The following AKAP9 variants were observed in gnomAD, a reference collection of about 807,000 sequenced individuals.
AKAP9 encodes A-kinase anchoring protein 9.
AKAP9 carries 311 observed loss-of-function variants against 488.5 expected under a neutral mutation model. That is an observed-to-expected ratio of 0.64 (90% confidence interval 0.58 to 0.70). AKAP9 has a LOEUF of 0.70. Ranked by LOEUF, AKAP9 falls within the 30% of genes least tolerant of loss-of-function variation. AKAP9 has a pLI of 0.00. For missense variants in AKAP9, 4,215 were observed against 4,374.5 expected, an observed-to-expected ratio of 0.96 and a Z score of 1.03; for synonymous variants, 1,462 against 1,483.5, an observed-to-expected ratio of 0.99 and a Z score of 0.33.
rs1473941536 is a variant in AKAP9, at chr7:92,079,109, G to A, written c.6976G>A (p.Asp2326Asn). 6.2e-7 allele frequency: 1 copy of A among 1,611,808 alleles called. No individual in the cohort carries two copies. The highest frequency in any genetic ancestry group is 1.7e-5 in the Admixed American group (1 of 59,880). ...TGAAGAAAAAAATGAACTGATAAGG[G>A]ATCTTGAAACCCAAATAGAATGTTT... ...VIEEKNELIRDLETQIECLMS... is the reference protein window; with the variant it reads ...VIEEKNELIRNLETQIECLMS... Residue 2326 changes from aspartate (D) to asparagine (N), a missense_variant, in exon 31 of 50, where the codon GAT becomes AAT. By Grantham distance (23) the Asp-to-Asn change is conservative (BLOSUM62 1). Around this residue, in one of 5 missense-constraint regions of AKAP9, gnomAD observed 1,476 missense variants for 1,477.4 expected, o/e 1.00. Coordinates refer to ENST00000356239, the MANE Select transcript of AKAP9 (RefSeq NM_005751.5).
At chr7:91,988,480 A>AAG (rs1016062703) in intron 3 of AKAP9, among the ~76,000 whole-genome samples, 1 of 151,912 alleles carries the variant, frequency 6.6e-6, no homozygotes, top group South Asian at 2.1e-4. Context: ...CAAAAAGAGA[A>AAG]AGAGAGAGAG....
At chr7:91,981,554 G>GA (rs1179040216) in intron 3 of AKAP9, among the ~76,000 whole-genome samples, 2 of 147,296 alleles carry the variant, frequency 1.4e-5, no homozygotes, top group Non-Finnish European at 3.0e-5. Context: ...TATTGCATTT[G>GA]AAAACTTTTT....
chr7:92,041,933 A>G, intron 18 of AKAP9, 113 bp from the exon 19 acceptor site: 3 of 1,109,250 alleles, frequency 2.7e-6, no homozygotes, highest in Non-Finnish European at 3.9e-6. Flanking sequence ...AATATGAATC[A>G]TAAGTAGAAC....
intron 29 of AKAP9, among the ~76,000 whole-genome samples, 198 bp from the exon 30 acceptor site, chr7:92,077,498 C>A (rs771100221): frequency 9.2e-5 from 14 of 152,094 alleles, no homozygotes; most frequent in Non-Finnish European, 1.5e-4. Context: ...TCAGCCCAAC[C>A]TGAACATTTG....
chr7:92,000,766 G>A (rs1799052601), intron 7 of AKAP9, 82 bp from the exon 8 acceptor site: 2 of 729,854 alleles, frequency 2.7e-6, no homozygotes, highest in South Asian at 2.1e-5. Context: ...ACTTCTGTCA[G>A]TCTTTTGGTA....
In AKAP9 at chr7:92,097,438, ATTAC is replaced by A. The variant is rs1816810770; in HGVS notation, c.10398+85_10398+88del. 8 of 1,544,934 alleles carry A rather than the reference ATTAC, an allele frequency of 5.2e-6. No individual in the cohort carries two copies. In the East Asian group the frequency reaches 1.2e-4, roughly 23 times the overall value. On this transcript the variant is annotated intron_variant, in intron 41 of 49. Transcript: ENST00000356239. ...TCATTAAATTTTGATATTGGATTAAATTACTTAAATAGCTATATGTAAATCACTT... is the reference window on the plus strand; with the variant it reads ...TCATTAAATTTTGATATTGGATTAAATTAAATAGCTATATGTAAATCACTT...
chr7:92,101,155 G>A (rs999141671), intron 45 of AKAP9, 99 bp downstream of exon 45: 18 of 1,224,164 alleles, frequency 1.5e-5, no homozygotes, highest in Admixed American at 2.4e-5. Flanking sequence ...AGAAATTTAG[G>A]GCCTGGCACA....
In AKAP9 at chr7:91,940,999, G is replaced by T; in HGVS notation, c.-101G>T. ...GCGCCGGACCGAATCGGCTCTCTAG[G>T]CCGTGGAGCTTGCCGTCCCACCTCC... On this transcript the variant is annotated 5_prime_UTR_variant, in exon 1 of 50. Coordinates refer to ENST00000356239, the MANE Select transcript of AKAP9 (RefSeq NM_005751.5). 8.0e-7 allele frequency: 1 copy of T among 1,246,108 alleles called. No individual in the cohort carries two copies. Among genetic ancestry groups the T allele is most frequent in the Non-Finnish European group, 1.2e-6 (1 of 844,556 alleles). 77.2% of individuals were successfully genotyped at this position (1,246,108 alleles called of 1,614,324 possible). A position where few individuals can be genotyped will look rare whatever the true frequency, so the allele number is the denominator to read the frequency against.
intron 1 of AKAP9, among the ~76,000 whole-genome samples, chr7:91,968,988 C>T (rs1247269142): frequency 6.6e-6 from 1 of 152,102 alleles, no homozygotes; most frequent in Non-Finnish European, 1.5e-5. Context: ...CCTCCTGCCT[C>T]AGCCTCTCAA....
intron 14 of AKAP9, among the ~76,000 whole-genome samples, chr7:92,026,006 A>T (rs551156718): frequency 6.6e-6 from 1 of 152,370 alleles, no homozygotes; most frequent in East Asian, 1.9e-4. Flanking sequence ...CACATCTGTA[A>T]TACTGCCTAT....
rs138940855 is a variant in AKAP9 at position 92,071,349 on chromosome 7, C to G, written c.6612+340C>G. Among the ~76,000 whole-genome samples the G allele has an allele frequency of 2.7e-5, 4 of 149,446 alleles. No homozygotes were observed. In the South Asian group the frequency reaches 8.4e-4, roughly 32 times the overall value. ...GGCAATATATCCCTTTTCTCCTAAC[C>G]GTAGAATACATATTGAATTATTGCT... On this transcript the variant is annotated intron_variant, in intron 28 of 49. Coordinates refer to ENST00000356239, the MANE Select transcript of AKAP9 (RefSeq NM_005751.5).
chr7:91,966,612 A>G (rs79396246), intron 1 of AKAP9, among the ~76,000 whole-genome samples: 1 of 152,258 alleles, frequency 6.6e-6, no homozygotes, highest in African/African-American at 2.4e-5. Flanking sequence ...GATGTTGTAT[A>G]TTCTTGGCAC....
chr7:92,062,901 C>A (rs538273914), intron 24 of AKAP9, among the ~76,000 whole-genome samples: 1 of 152,046 alleles, frequency 6.6e-6, no homozygotes, highest in Non-Finnish European at 1.5e-5. Flanking sequence ...TTTTGACTTG[C>A]AAGCAGAGTA....
chr7:91,999,086 A>C (rs1408173062), intron 7 of AKAP9, among the ~76,000 whole-genome samples: 1 of 152,198 alleles, frequency 6.6e-6, no homozygotes, highest in South Asian at 2.1e-4. Context: ...ATAGGATAAC[A>C]TTCATTGCCT....
At position 92,089,721 on chromosome 7, in the gene AKAP9, A is replaced by T. The variant is rs181209481; in HGVS notation, c.9358+192A>T. 1,332 of 583,024 alleles carry T rather than the reference A, an allele frequency of 2.3e-3. 5 individuals are homozygous for T. The highest frequency in any genetic ancestry group is 2.6e-3 in the Non-Finnish European group (868 of 336,808). The allele number at this position is 583,024 out of a possible 1,614,324, so 36.1% of individuals were successfully genotyped here. A position where few individuals can be genotyped will look rare whatever the true frequency, so the allele number is the denominator to read the frequency against. ...GATTGTCTAATTGGTTTAAACAGCT[A>T]CGTTGACTTTAAAATAAACTGCCAT... On this transcript the variant is annotated intron_variant, in intron 38 of 49. Coordinates refer to ENST00000356239, the MANE Select transcript of AKAP9 (RefSeq NM_005751.5).
chr7:91,972,082 A>G (rs543165430), intron 1 of AKAP9, among the ~76,000 whole-genome samples: 1 of 142,030 alleles, frequency 7.0e-6, no homozygotes, highest in South Asian at 2.2e-4. Flanking sequence ...CTTCAGTTCT[A>G]GTAAACAATC....
At chr7:92,075,684 T>C (rs1203082336) in intron 28 of AKAP9, among the ~76,000 whole-genome samples, 2 of 152,218 alleles carry the variant, frequency 1.3e-5, no homozygotes, top group Non-Finnish European at 2.9e-5. Context: ...TCAGAACAGA[T>C]CTTATAAAGT....
intron 38 of AKAP9, among the ~76,000 whole-genome samples, chr7:92,090,852 C>A (rs1056717674): frequency 2.6e-5 from 4 of 152,112 alleles, no homozygotes; most frequent in African/African-American, 9.7e-5. Context: ...TAGATAAGGT[C>A]AAATGATTTT....
At chr7:92,094,694 G>A (rs764920213) in intron 39 of AKAP9, among the ~76,000 whole-genome samples, 6 of 151,516 alleles carry the variant, frequency 4.0e-5, no homozygotes, top group South Asian at 4.2e-4. Flanking sequence ...TTAGCTGGGC[G>A]TGGTTGCGGG....
Sources: allele counts gnomAD v4.1 joint callset (sites outside exome capture counted in the v4.1 genomes callset), GRCh38; gene constraint gnomAD v4.1.1; regional missense constraint gnomAD v4.1.1; transcripts MANE v1.5; gene names NCBI Gene and HGNC (gene_info 2026-07-23, HGNC 2026-07-21).